The following SMARCA2 variants were observed in gnomAD, a reference collection of about 807,000 sequenced individuals.
SMARCA2 encodes SWI/SNF related BAF chromatin remodeling complex subunit ATPase 2.
SMARCA2 carries 61 observed loss-of-function variants against 199.8 expected under a neutral mutation model. The ratio of observed to expected loss-of-function variants is 0.31; its 90% CI spans 0.25 to 0.38. The LOEUF (loss-of-function observed/expected upper bound fraction) is 0.38, where lower values mean the gene tolerates loss of function less well. Among genes scored for constraint, SMARCA2 ranks in the 10% least tolerant of loss-of-function variants. The pLI is 1.00. For missense variants in SMARCA2, 1,344 were observed against 2,012.2 expected, an observed-to-expected ratio of 0.67 and a Z score of 6.35; for synonymous variants, 935 against 732.0, an observed-to-expected ratio of 1.28 and a Z score of -4.48.
At position 2,077,789 on chromosome 9, in the gene SMARCA2, G is replaced by A; in HGVS notation, c.2184+13G>A. 2 of 1,596,176 alleles carry A rather than the reference G, an allele frequency of 1.3e-6. No individual in the cohort carries two copies. Among genetic ancestry groups the A allele is most frequent in the South Asian group, 1.1e-5 (1 of 88,850 alleles). Reference sequence around the variant, plus strand: ...AAAGCATTACCAGGTAATTGGCATGGTTTCAGTTTCCTTGGCAAGTTGTAA... The same window carrying A: ...AAAGCATTACCAGGTAATTGGCATGATTTCAGTTTCCTTGGCAAGTTGTAA... On this transcript the variant is annotated intron_variant, in intron 14 of 33. Transcript: ENST00000349721.
chr9:2,040,085 T>C lies in SMARCA2; in HGVS notation c.790+185T>C, dbSNP rs1819539696. The C allele has an allele frequency of 2.6e-6, 3 of 1,175,404 alleles. No individual in the cohort carries two copies. The South Asian group carries it at 4.8e-5, about 19-fold the overall frequency. 72.8% of individuals were successfully genotyped at this position (1,175,404 alleles called of 1,614,324 possible). A position where few individuals can be genotyped will look rare whatever the true frequency, so the allele number is the denominator to read the frequency against. ...TTGGTCTTCCCCTGCTGTTGAGACCTAGGGCAGTGTTTCTTAACCTTAAAA... is the reference window on the plus strand; with the variant it reads ...TTGGTCTTCCCCTGCTGTTGAGACCCAGGGCAGTGTTTCTTAACCTTAAAA... On this transcript the variant is annotated intron_variant, in intron 4 of 33. Transcript: ENST00000349721.
At chr9:2,069,216 G>A (rs543011769) in intron 9 of SMARCA2, among the ~76,000 whole-genome samples, 15 of 151,552 alleles carry the variant, frequency 9.9e-5, no homozygotes, top group Admixed American at 8.5e-4. Flanking sequence ...GCACCCGGCC[G>A]ATATGACATA....
intron 25 of SMARCA2, among the ~76,000 whole-genome samples, chr9:2,117,347 A>C (rs1312797882): frequency 6.6e-6 from 1 of 152,216 alleles, no homozygotes; most frequent in Non-Finnish European, 1.5e-5. Context: ...AGTTTCATGA[A>C]AATGATAAAA....
chr9:2,019,122 T>C (rs975470941), intron 1 of SMARCA2, among the ~76,000 whole-genome samples: 29 of 151,474 alleles, frequency 1.9e-4, no homozygotes, highest in Admixed American at 1.8e-3. Context: ...AAGATACTTA[T>C]TGCGGTAGAC....
In SMARCA2 at chr9:2,144,343, A is replaced by G. The variant is rs1014690693; in HGVS notation, c.3982-17343A>G. ...TTAAACTTTCTTGGCCAGATGAGGAAATTCCAGAGCAAGTCCGTTCTTGTG... is the reference window on the plus strand; with the variant it reads ...TTAAACTTTCTTGGCCAGATGAGGAGATTCCAGAGCAAGTCCGTTCTTGTG... On this transcript the variant is annotated intron_variant, in intron 27 of 33. Transcript: ENST00000349721. 2.0e-5 allele frequency among the ~76,000 whole-genome samples: 3 copies of G among 152,246 alleles called. No homozygotes were observed. The East Asian group carries it at 5.8e-4, about 29-fold the overall frequency.
chr9:2,139,440 G>A (rs770251626), intron 27 of SMARCA2, among the ~76,000 whole-genome samples: 1 of 152,158 alleles, frequency 6.6e-6, no homozygotes, highest in African/African-American at 2.4e-5. Context: ...AAGACTGGTC[G>A]AGTCACCAAC....
Position 2,191,343 on chromosome 9 carries a change from C to T in SMARCA2, c.4672C>T (p.Pro1558Ser), listed in dbSNP as rs760161604. ...GRDKGKGKKR[P>S]NRGKAKPVVS... Reference sequence around the variant, plus strand: ...GGACAAAGGGAAAGGCAAGAAAAGGCCAAATCGAGGAAAAGCCAAACCTGT... The same window carrying T: ...GGACAAAGGGAAAGGCAAGAAAAGGTCAAATCGAGGAAAAGCCAAACCTGT... The change falls in exon 33 of 34, where the codon CCA becomes TCA. Residue 1558 changes from proline (P) to serine (S), a missense_variant. Coordinates refer to ENST00000349721, the MANE Select transcript of SMARCA2 (RefSeq NM_003070.5). The T allele has an allele frequency of 2.8e-5, 45 of 1,614,028 alleles. No individual in the cohort carries two copies. The highest frequency in any genetic ancestry group is 3.6e-5 in the Non-Finnish European group (43 of 1,180,018).
chr9:2,067,952 A>G (rs922085271), intron 9 of SMARCA2, among the ~76,000 whole-genome samples: 3 of 152,218 alleles, frequency 2.0e-5, no homozygotes, highest in Non-Finnish European at 2.9e-5. Flanking sequence ...TTAATGTACT[A>G]TTCATTGAAG....
At chr9:2,101,716 C>A in intron 22 of SMARCA2, 100 bp downstream of exon 22, 1 of 629,212 alleles carries the variant, frequency 1.6e-6, no homozygotes, top group Non-Finnish European at 2.8e-6. Context: ...TACTTACTTC[C>A]AGCCCTCTAA....
chr9:2,105,245 A>T (rs7871904), intron 23 of SMARCA2, among the ~76,000 whole-genome samples: 8,060 of 146,796 alleles, frequency 0.055, 702 homozygotes, highest in African/African-American at 0.19. Context: ...TTTTTTTTTT[A>T]TTTTATTTTG....
At chr9:2,136,414 CTGA>C (rs2130669404) in intron 27 of SMARCA2, among the ~76,000 whole-genome samples, 1 of 152,194 alleles carries the variant, frequency 6.6e-6, no homozygotes, top group South Asian at 2.1e-4. Context: ...TCTCGAACTC[CTGA>C]CCTCAAGTGA....
At chr9:2,045,278 C>G (rs1208228940) in intron 4 of SMARCA2, 1 of 152,284 alleles carries the variant, frequency 6.6e-6, no homozygotes, top group Admixed American at 6.5e-5. Context: ...ATGCTTATAG[C>G]AAGGCTTCAA....
intron 19 of SMARCA2, among the ~76,000 whole-genome samples, chr9:2,093,696 A>G (rs1288162700): frequency 1.3e-5 from 2 of 152,332 alleles, no homozygotes; most frequent in East Asian, 1.9e-4. Context: ...AACAATGGGA[A>G]AAAGGCCATC....
At chr9:2,035,008 C>CTTTATTTA (rs3057853) in intron 3 of SMARCA2, among the ~76,000 whole-genome samples, 3,204 of 143,080 alleles carry the variant, frequency 0.022, 53 homozygotes, top group South Asian at 0.035. Flanking sequence ...TAATATAAGC[C>CTTTATTTA]TTTATTTATT....
chr9:2,071,239 G>A (rs558446828), intron 10 of SMARCA2, among the ~76,000 whole-genome samples: 1 of 152,184 alleles, frequency 6.6e-6, no homozygotes, highest in Non-Finnish European at 1.5e-5. Context: ...ACTCAAAACA[G>A]TGGAGATGCA....
chr9:2,172,215 G>A (rs763925423), intron 29 of SMARCA2, among the ~76,000 whole-genome samples: 5 of 150,432 alleles, frequency 3.3e-5, no homozygotes, highest in African/African-American at 9.8e-5. Context: ...GTCAAAAGAG[G>A]CTCTTTGTAA....
At chr9:2,175,461 T>C (rs1826518872) in intron 29 of SMARCA2, among the ~76,000 whole-genome samples, 1 of 152,166 alleles carries the variant, frequency 6.6e-6, no homozygotes. Context: ...ATACAACATA[T>C]TAAAACTTTT....
At chr9:2,071,250 G>GA (rs1420102895) in intron 10 of SMARCA2, among the ~76,000 whole-genome samples, 1 of 151,802 alleles carries the variant, frequency 6.6e-6, no homozygotes, top group East Asian at 1.9e-4. Flanking sequence ...TGGAGATGCA[G>GA]AAAAAAAAGA....
Position 2,186,122 on chromosome 9 carries a change from G to A in SMARCA2, c.4488G>A (p.Gln1496=). 6.2e-7 allele frequency: 1 copy of A among 1,614,082 alleles called. No individual in the cohort carries two copies. ...TCTATGAAGACTCCATCGTCTTACA[G>A]TCAGTGTTTAAGAGTGCCCGGCAGA... is the stretch of plus-strand genomic sequence containing the variant. ...SQIYEDSIVL[Q]SVFKSARQKI... Residue 1496 remains glutamine (Q), a synonymous_variant, in exon 32 of 34, where the codon CAG becomes CAA. Transcript: ENST00000349721.
Sources: gnomAD v4.1 joint callset for allele counts (sites outside exome capture counted in the v4.1 genomes callset) on GRCh38, gnomAD v4.1.1 for gene constraint, MANE v1.5 for transcripts, NCBI Gene and HGNC (gene_info 2026-07-23, HGNC 2026-07-21) for gene names.